RNF170: variants seen among roughly 807,000 people sequenced by gnomAD.
RNF170 encodes the protein E3 ubiquitin-protein ligase RNF170.
RNF170 carries 12 observed loss-of-function variants against 32.7 expected under a neutral mutation model. That is an observed-to-expected ratio of 0.37 (90% CI 0.24 to 0.60). RNF170 has a LOEUF of 0.60. Among genes scored for constraint, RNF170 ranks in the 20% least tolerant of loss-of-function variants. The pLI, the probability that RNF170 is intolerant of heterozygous loss-of-function variation, is 0.72. For missense variants in RNF170, 212 were observed against 311.2 expected, an observed-to-expected ratio of 0.68 and a Z score of 2.40; for synonymous variants, 91 against 103.6, an observed-to-expected ratio of 0.88 and a Z score of 0.74.
intron 4 of RNF170, among the ~76,000 whole-genome samples, chr8:42,865,810 C>T (rs909621379): frequency 6.6e-6 from 1 of 152,074 alleles, no homozygotes; most frequent in Non-Finnish European, 1.5e-5. Context: ...ATGGTGAAAC[C>T]CCGTCTCTAC....
At position 42,892,089 on chromosome 8, in the gene RNF170, G is replaced by C. The variant is rs965693785; in HGVS notation, c.-7-4218C>G. ...TCCGGAGGCACCTACACTGACCTAAGTGGCATGACTGGCATGTCAACTGCT... is the reference window on the plus strand; with the variant it reads ...TCCGGAGGCACCTACACTGACCTAACTGGCATGACTGGCATGTCAACTGCT... On this transcript the variant is annotated intron_variant, in intron 1 of 6. Transcript: ENST00000527424. Among the ~76,000 whole-genome samples the C allele has an allele frequency of 2.0e-5, 3 of 152,284 alleles. No individual in the cohort carries two copies. The South Asian group carries it at 6.2e-4, about 32-fold the overall frequency.
intron 2 of RNF170, among the ~76,000 whole-genome samples, chr8:42,882,211 T>C (rs1327731787): frequency 6.6e-6 from 1 of 152,128 alleles, no homozygotes; most frequent in African/African-American, 2.4e-5. Context: ...ATGTTAAACA[T>C]AGAAATTACT....
intron 6 of RNF170, among the ~76,000 whole-genome samples, chr8:42,859,231 CAT>C (rs1329988495): frequency 6.6e-6 from 1 of 152,110 alleles, no homozygotes; most frequent in Non-Finnish European, 1.5e-5. Context: ...GTCTAGAAAA[CAT>C]GTATCAGGCT....
chr8:42,865,212 A>C (rs1803991674), intron 5 of RNF170, among the ~76,000 whole-genome samples: 1 of 151,942 alleles, frequency 6.6e-6, no homozygotes, highest in African/African-American at 2.4e-5. Context: ...AGCTACGATC[A>C]TGCCACTGCA....
upstream of RNF170, chr8:42,896,845 C>T (rs1806974794): frequency 8.3e-6 from 2 of 241,466 alleles, no homozygotes; most frequent in Non-Finnish European, 1.6e-5. Context: ...CCAGCCAGGG[C>T]GGCGGCGCTG....
chr8:42,856,519 TA>T, intron 6 of RNF170, 91 bp from the exon 7 acceptor site: 1 of 900,400 alleles, frequency 1.1e-6, no homozygotes, highest in Non-Finnish European at 1.8e-6. Context: ...TAAACATTGT[TA>T]AGATGAATTA....
chr8:42,865,742 G>A (rs983843825), intron 4 of RNF170, among the ~76,000 whole-genome samples: 1 of 152,190 alleles, frequency 6.6e-6, no homozygotes, highest in Non-Finnish European at 1.5e-5. Context: ...CCAGCACTTT[G>A]GGAAGCCAAG....
intron 1 of RNF170, among the ~76,000 whole-genome samples, chr8:42,890,882 G>C (rs1806245791): frequency 6.6e-6 from 1 of 152,086 alleles, no homozygotes; most frequent in African/African-American, 2.4e-5. Context: ...AGGTGCTAGT[G>C]GCTCAAAAAT....
At chr8:42,887,372 C>T (rs535161726) in intron 2 of RNF170, among the ~76,000 whole-genome samples, 1 of 151,936 alleles carries the variant, frequency 6.6e-6, no homozygotes, top group South Asian at 2.1e-4. Context: ...TCTTTTTTTG[C>T]CTCAATTTTT....
At chr8:42,890,002 G>T (rs960885907) in intron 1 of RNF170, among the ~76,000 whole-genome samples, 1 of 152,164 alleles carries the variant, frequency 6.6e-6, no homozygotes, top group African/African-American at 2.4e-5. Context: ...ACAGAGCTGT[G>T]AAGGTTAAAA....
intron 6 of RNF170, among the ~76,000 whole-genome samples, chr8:42,857,940 T>C (rs1803362137): frequency 6.6e-6 from 1 of 151,968 alleles, no homozygotes; most frequent in African/African-American, 2.4e-5. Flanking sequence ...GTGGCTGAAA[T>C]ATGAGAACTG....
intron 4 of RNF170, among the ~76,000 whole-genome samples, chr8:42,865,773 C>G (rs963952704): frequency 6.6e-6 from 1 of 152,148 alleles, no homozygotes; most frequent in African/African-American, 2.4e-5. Context: ...CACTTGAGAT[C>G]AGGAGTTTGA....
At chr8:42,865,973 A>C (rs1804051308) in intron 4 of RNF170, among the ~76,000 whole-genome samples, 1 of 152,188 alleles carries the variant, frequency 6.6e-6, no homozygotes, top group African/African-American at 2.4e-5. Context: ...CAACAAAGCA[A>C]GACTCTGTCT....
In RNF170 at chr8:42,854,917, T is replaced by C. The variant is rs1803130674; in HGVS notation, c.*1242A>G. The C allele has an allele frequency of 7.8e-7, 1 of 1,287,130 alleles. No individual in the cohort carries two copies. 79.7% of individuals were successfully genotyped at this position (1,287,130 alleles called of 1,614,324 possible). On this transcript the variant is annotated 3_prime_UTR_variant, in exon 7 of 7. Coordinates refer to ENST00000527424, the MANE Select transcript of RNF170 (RefSeq NM_030954.4). ...GCTGTGTGCTGCCATCCTGAGACAG[T>C]ATTATAAAAATTTCTGACAACAGAA...
chr8:42,883,953 C>T (rs1467178803), intron 2 of RNF170, among the ~76,000 whole-genome samples: 1 of 152,214 alleles, frequency 6.6e-6, no homozygotes, highest in Admixed American at 6.5e-5. Context: ...TCCAAGTAAC[C>T]GGGAGCACAT....
At chr8:42,877,075 T>A (rs1805005018) in intron 2 of RNF170, among the ~76,000 whole-genome samples, 1 of 147,642 alleles carries the variant, frequency 6.8e-6, no homozygotes, top group Non-Finnish European at 1.5e-5. Flanking sequence ...TGTCTCAGCC[T>A]CCCGAGTAGC....
intron 2 of RNF170, among the ~76,000 whole-genome samples, chr8:42,875,025 G>T (rs1210328967): frequency 6.6e-6 from 1 of 152,042 alleles, no homozygotes; most frequent in Non-Finnish European, 1.5e-5. Context: ...TATAAAATTA[G>T]CCGGGCTTAG....
chr8:42,851,222 A>G (rs1373739849), downstream of RNF170, among the ~76,000 whole-genome samples: 1 of 152,068 alleles, frequency 6.6e-6, no homozygotes, highest in Non-Finnish European at 1.5e-5. Flanking sequence ...AGGATTCGAC[A>G]TGTCAATGGT....
intron 1 of RNF170, among the ~76,000 whole-genome samples, chr8:42,895,886 A>G (rs1480960093): frequency 6.6e-6 from 1 of 152,240 alleles, no homozygotes; most frequent in Admixed American, 6.5e-5. Context: ...AAAGGAGCAC[A>G]GGGCATGGGT....
Sources: allele counts gnomAD v4.1 joint callset (sites outside exome capture counted in the v4.1 genomes callset), GRCh38; gene constraint gnomAD v4.1.1; transcripts MANE v1.5; gene names NCBI Gene and HGNC (gene_info 2026-07-23, HGNC 2026-07-21).